Variants in WDFY2 observed in about 807,000 individuals in gnomAD.
WDFY2 encodes the protein WD repeat and FYVE domain-containing protein 2.
WDFY2 carries 36 observed loss-of-function variants against 56.4 expected under a neutral mutation model. The observed-to-expected ratio is 0.64, with a 90% CI of 0.49 to 0.84. The LOEUF (loss-of-function observed/expected upper bound fraction) is 0.84. Among genes scored for constraint, WDFY2 ranks in the 40% least tolerant of loss-of-function variants. The pLI, the probability that WDFY2 is intolerant of heterozygous loss-of-function variation, is 0.00. For missense variants in WDFY2, 444 were observed against 512.2 expected, an observed-to-expected ratio of 0.87 and a Z score of 1.29; for synonymous variants, 176 against 183.7, an observed-to-expected ratio of 0.96 and a Z score of 0.34.
intron 1 of WDFY2, among the ~76,000 whole-genome samples, chr13:51,643,947 T>G (rs1190990726): frequency 6.6e-6 from 1 of 152,190 alleles, no homozygotes; most frequent in Non-Finnish European, 1.5e-5. Context: ...TCAGGGAATT[T>G]CTTGTGTCAT....
At chr13:51,622,188 G>A (rs1047256135) in intron 1 of WDFY2, among the ~76,000 whole-genome samples, 2 of 152,174 alleles carry the variant, frequency 1.3e-5, no homozygotes, top group Admixed American at 1.3e-4. Flanking sequence ...TGTGCCAACC[G>A]TGCTAAGCTT....
At chr13:51,684,981 T>C (rs2138526729) in intron 3 of WDFY2, among the ~76,000 whole-genome samples, 1 of 152,274 alleles carries the variant, frequency 6.6e-6, no homozygotes, top group Middle Eastern at 3.4e-3. Context: ...TCCAAGCCCT[T>C]CATTCTCCCC....
intron 1 of WDFY2, among the ~76,000 whole-genome samples, chr13:51,602,507 C>A (rs1012921451): frequency 3.9e-5 from 6 of 152,174 alleles, no homozygotes; most frequent in African/African-American, 1.4e-4. Flanking sequence ...TTATTTTTCT[C>A]ACATAACAAA....
intron 4 of WDFY2, among the ~76,000 whole-genome samples, chr13:51,707,545 A>T (rs1417043847): frequency 6.6e-6 from 1 of 152,216 alleles, no homozygotes; most frequent in Non-Finnish European, 1.5e-5. Flanking sequence ...AAGTAAAATA[A>T]GCATTTTTTT....
intron 1 of WDFY2, among the ~76,000 whole-genome samples, chr13:51,601,854 A>C (rs1356619387): frequency 6.6e-6 from 1 of 152,184 alleles, no homozygotes; most frequent in African/African-American, 2.4e-5. Flanking sequence ...TGGAGCCTCC[A>C]TGGAAATCAC....
intron 4 of WDFY2, among the ~76,000 whole-genome samples, chr13:51,712,391 A>G (rs566872226): frequency 6.6e-6 from 1 of 152,296 alleles, no homozygotes; most frequent in South Asian, 2.1e-4. Context: ...AAGTATACAT[A>G]TGTAACAAAT....
intron 3 of WDFY2, among the ~76,000 whole-genome samples, chr13:51,693,489 C>A (rs1307627707): frequency 6.0e-5 from 9 of 150,714 alleles, no homozygotes; most frequent in Admixed American, 5.3e-4. Flanking sequence ...GTAGTTGAGC[C>A]GTTTTGAGTG....
At chr13:51,675,276 A>G (rs1324813063) in intron 3 of WDFY2, 33 bp downstream of exon 3, 1 of 1,569,112 alleles carries the variant, frequency 6.4e-7, no homozygotes, top group Admixed American at 1.7e-5. Flanking sequence ...TCCAGTTGAA[A>G]TACTTCCCTT....
chr13:51,591,999 G>A lies in WDFY2; in HGVS notation c.137+7175G>A, dbSNP rs181547315. ...GTTCAGAAAAAAAGTAGGAATGTTG[G>A]GGGGAGGGGGGAGGGATAGCATTAG... On this transcript the variant is annotated intron_variant, in intron 1 of 11. Coordinates refer to ENST00000298125, the MANE Select transcript of WDFY2 (RefSeq NM_052950.4). 10 of 146,608 alleles carry A rather than the reference G, an allele frequency of 6.8e-5. No homozygotes were observed. In the East Asian group the frequency reaches 2.1e-3, roughly 31 times the overall value. The allele number at this position is 146,608 out of a possible 1,614,324, so 9.1% of individuals were successfully genotyped here.
chr13:51,584,894 G>A, intron 1 of WDFY2, 70 bp downstream of exon 1: 2 of 1,586,614 alleles, frequency 1.3e-6, no homozygotes, highest in Non-Finnish European at 1.7e-6. Context: ...CCGCGTCAGG[G>A]GCTGTGCCTT....
chr13:51,727,623 A>T lies in WDFY2; in HGVS notation c.486-55A>T. On this transcript the variant is annotated intron_variant, in intron 5 of 11. Coordinates refer to ENST00000298125, the MANE Select transcript of WDFY2 (RefSeq NM_052950.4). ...TGTTACATTTATGCCCTGTTTTTTCATTGTAAATTCCCTCATTTAATTTTG... is the reference window on the plus strand; with the variant it reads ...TGTTACATTTATGCCCTGTTTTTTCTTTGTAAATTCCCTCATTTAATTTTG... The T allele has an allele frequency of 4.5e-6, 7 of 1,545,354 alleles. No homozygotes were observed. In the Admixed American group the frequency reaches 5.3e-5, roughly 12 times the overall value.
At chr13:51,630,772 T>G (rs567319516) in intron 1 of WDFY2, among the ~76,000 whole-genome samples, 1 of 151,828 alleles carries the variant, frequency 6.6e-6, no homozygotes, top group Non-Finnish European at 1.5e-5. Context: ...TTTTTCTTTT[T>G]TTTTTTTAGT....
chr13:51,658,543 G>A (rs1475162720), intron 1 of WDFY2, among the ~76,000 whole-genome samples: 1 of 152,228 alleles, frequency 6.6e-6, no homozygotes, highest in East Asian at 1.9e-4. Context: ...TGCCAGCTTA[G>A]TAGTTGATTT....
chr13:51,605,640 A>G (rs1954372535), intron 1 of WDFY2, among the ~76,000 whole-genome samples: 2 of 152,236 alleles, frequency 1.3e-5, no homozygotes, highest in South Asian at 4.1e-4. Flanking sequence ...GTTTCACATT[A>G]CATAATTATT....
intron 4 of WDFY2, among the ~76,000 whole-genome samples, chr13:51,717,480 A>C (rs2138623853): frequency 6.6e-6 from 1 of 152,180 alleles, no homozygotes; most frequent in African/African-American, 2.4e-5. Context: ...AGAGGACTAA[A>C]GCCCCTTATC....
chr13:51,739,289 C>A, intron 7 of WDFY2, 114 bp downstream of exon 7: 1 of 1,264,720 alleles, frequency 7.9e-7, no homozygotes, highest in Non-Finnish European at 1.0e-6. Context: ...AGGAACATGG[C>A]GGGAACACAA....
chr13:51,702,223 A>T (rs535891038), intron 3 of WDFY2, among the ~76,000 whole-genome samples: 1 of 152,122 alleles, frequency 6.6e-6, no homozygotes, highest in East Asian at 1.9e-4. Flanking sequence ...GAGGCAGGAG[A>T]ATTACTTGAA....
At chr13:51,624,386 G>A (rs1954801073) in intron 1 of WDFY2, among the ~76,000 whole-genome samples, 1 of 152,126 alleles carries the variant, frequency 6.6e-6, no homozygotes, top group Non-Finnish European at 1.5e-5. Flanking sequence ...AGTGGCAAGA[G>A]TCTTGTGTGT....
intron 1 of WDFY2, among the ~76,000 whole-genome samples, chr13:51,655,528 G>C (rs920004034): frequency 1.3e-5 from 2 of 151,810 alleles, no homozygotes; most frequent in East Asian, 3.9e-4. Flanking sequence ...TTGCATTCCT[G>C]GGATAAATCA....
Sources: gnomAD v4.1 joint callset for allele counts (sites outside exome capture counted in the v4.1 genomes callset) on GRCh38, gnomAD v4.1.1 for gene constraint, MANE v1.5 for transcripts, NCBI Gene and HGNC (gene_info 2026-07-23, HGNC 2026-07-21) for gene names.